The following CNTLN variants were observed in gnomAD, a reference collection of about 807,000 sequenced individuals.
CNTLN encodes centlein, also known as centlein, centrosomal protein.
In CNTLN, 212 loss-of-function variants were observed where a neutral mutation model predicts 180.0. The ratio of observed to expected loss-of-function variants is 1.18; its 90% confidence interval spans 1.05 to 1.32. The LOEUF is 1.32. Among genes scored for constraint, CNTLN ranks in the 40% most tolerant of loss-of-function variants. The pLI, the probability that CNTLN is intolerant of heterozygous loss-of-function variation, is 0.00. For missense variants in CNTLN, 2,095 were observed against 1,610.9 expected, an observed-to-expected ratio of 1.30 and a Z score of -5.14; for synonymous variants, 722 against 563.1, an observed-to-expected ratio of 1.28 and a Z score of -3.99.
intron 6 of CNTLN, among the ~76,000 whole-genome samples, chr9:17,296,941 C>G (rs1304593585): frequency 1.3e-5 from 2 of 152,086 alleles, no homozygotes; most frequent in Admixed American, 1.3e-4. Flanking sequence ...TTCCTTCTTT[C>G]TTTTAAGACA....
chr9:17,494,531 C>T (rs1296068840), intron 25 of CNTLN, among the ~76,000 whole-genome samples: 1 of 152,118 alleles, frequency 6.6e-6, no homozygotes, highest in Non-Finnish European at 1.5e-5. Context: ...CCACCCTCTA[C>T]CGTCAAATAG....
chr9:17,471,062 G>A (rs1832022418), intron 23 of CNTLN, among the ~76,000 whole-genome samples: 1 of 151,974 alleles, frequency 6.6e-6, no homozygotes, highest in East Asian at 1.9e-4. Flanking sequence ...AATGACAGCT[G>A]TGTTTAGAGA....
chr9:17,247,586 C>T (rs1415602918), intron 5 of CNTLN, among the ~76,000 whole-genome samples: 1 of 152,126 alleles, frequency 6.6e-6, no homozygotes, highest in East Asian at 1.9e-4. Flanking sequence ...GATGTTAAAA[C>T]CAGGTACTGT....
intron 2 of CNTLN, among the ~76,000 whole-genome samples, chr9:17,145,307 A>G (rs1818381201): frequency 6.6e-6 from 1 of 152,232 alleles, no homozygotes; most frequent in Non-Finnish European, 1.5e-5. Context: ...TATTTTTGAA[A>G]TTGGAAACGA....
chr9:17,271,434 C>G (rs1184360297), intron 5 of CNTLN, among the ~76,000 whole-genome samples: 1 of 152,066 alleles, frequency 6.6e-6, no homozygotes, highest in Admixed American at 6.6e-5. Context: ...CTTAGTATTA[C>G]AAATGAAGTT....
At chr9:17,359,719 AAAATAC>A (rs1473692548) in intron 12 of CNTLN, among the ~76,000 whole-genome samples, 8,196 of 92,198 alleles carry the variant, frequency 0.089, 1,193 homozygotes, top group Non-Finnish European at 0.14. Flanking sequence ...GTCTATACTA[AAAATAC>A]AAAAAAAAAA....
At chr9:17,327,998 T>C (rs146523018) in intron 8 of CNTLN, among the ~76,000 whole-genome samples, 19 of 152,088 alleles carry the variant, frequency 1.2e-4, no homozygotes, top group African/African-American at 4.3e-4. Context: ...CATTGTAAAA[T>C]CTTTAAGGAA....
chr9:17,393,974 A>T (rs893698839), intron 14 of CNTLN, among the ~76,000 whole-genome samples: 1 of 152,226 alleles, frequency 6.6e-6, no homozygotes, highest in African/African-American at 2.4e-5. Flanking sequence ...TGCAACCTTG[A>T]AATCATTATA....
Position 17,236,559 on chromosome 9 carries a change from G to A in CNTLN, c.820G>A (p.Glu274Lys). ...GAAGCAGGAAGCACATTTGAGAAAA[G>A]AAAAATATAGCACTGATGCAAAAAT... is the stretch of plus-strand genomic sequence containing the variant. ...LRKQEAHLRK[E>K]KYSTDAKIKT... Residue 274 changes from glutamate to lysine, a missense_variant, in exon 5 of 26, where the codon GAA (glutamate) becomes AAA (lysine). Coordinates refer to ENST00000380647, the MANE Select transcript of CNTLN (RefSeq NM_017738.4). The A allele has an allele frequency of 1.2e-6, 2 of 1,612,288 alleles. No individual in the cohort carries two copies. Among genetic ancestry groups the A allele is most frequent in the Non-Finnish European group, 1.7e-6 (2 of 1,179,230 alleles).
chr9:17,309,089 C>G lies in CNTLN; in HGVS notation c.1178C>G (p.Thr393Ser), dbSNP rs943182528. 1.3e-6 allele frequency: 2 copies of G among 1,591,512 alleles called. No homozygotes were observed. The highest frequency in any genetic ancestry group is 1.7e-6 in the Non-Finnish European group (2 of 1,172,820). ...LYNELHICFE[T>S]TKSNEAMLRQ... is the part of the protein sequence containing the mutation. ...AATGAGTTACATATTTGTTTTGAAA[C>G]CACAAAATCAAATGAAGCTATGCTC... Residue 393 changes from threonine (T) to serine (S), a missense_variant, in exon 8 of 26, where the codon ACC (threonine) becomes AGC (serine). By Grantham distance (58) the Thr-to-Ser change is moderately conservative. Coordinates refer to ENST00000380647, the MANE Select transcript of CNTLN (RefSeq NM_017738.4).
At chr9:17,140,442 TG>T (rs1297212812) in intron 1 of CNTLN, among the ~76,000 whole-genome samples, 1 of 149,768 alleles carries the variant, frequency 6.7e-6, no homozygotes, top group African/African-American at 2.4e-5. Context: ...GTAATGGTTA[TG>T]TTTTTTTCTT....
At chr9:17,238,545 CCTTT>C (rs999341298) in intron 5 of CNTLN, among the ~76,000 whole-genome samples, 3 of 152,072 alleles carry the variant, frequency 2.0e-5, no homozygotes, top group Non-Finnish European at 4.4e-5. Flanking sequence ...AACAAACAGG[CCTTT>C]CTAATAAGTT....
chr9:17,464,681 CTT>C (rs1437802833), intron 21 of CNTLN, 58 bp downstream of exon 21: 2 of 1,069,606 alleles, frequency 1.9e-6, no homozygotes, highest in Non-Finnish European at 2.6e-6. Context: ...TAATTACTCT[CTT>C]ACCACAAACA....
intron 13 of CNTLN, among the ~76,000 whole-genome samples, chr9:17,368,808 T>TG (rs1312440833): frequency 6.6e-6 from 1 of 152,222 alleles, no homozygotes; most frequent in Non-Finnish European, 1.5e-5. Flanking sequence ...TGCCCACTAA[T>TG]GCAGATATGG....
intron 1 of CNTLN, among the ~76,000 whole-genome samples, chr9:17,140,242 C>G (rs1228117148): frequency 1.3e-5 from 2 of 152,048 alleles, no homozygotes; most frequent in African/African-American, 4.8e-5. Context: ...TCACAAAATT[C>G]ATATATAACA....
chr9:17,241,939 A>G (rs112519237), intron 5 of CNTLN, among the ~76,000 whole-genome samples: 5 of 152,262 alleles, frequency 3.3e-5, no homozygotes, highest in African/African-American at 9.6e-5. Flanking sequence ...TCATTCTAAT[A>G]GGTTTTTGGT....
intron 2 of CNTLN, among the ~76,000 whole-genome samples, chr9:17,155,052 C>T (rs1014450992): frequency 6.6e-5 from 10 of 152,176 alleles, no homozygotes; most frequent in African/African-American, 1.7e-4. Context: ...GATGCGCCAC[C>T]TTTAAGAGCT....
chr9:17,332,798 G>T lies in CNTLN; in HGVS notation c.1644+68G>T, dbSNP rs919449819. ...AAAAATATACCAAAGTAAACATACA[G>T]TTCATAGATTACTAGTTGTCCTTTT... On this transcript the variant is annotated intron_variant, in intron 10 of 25. Coordinates refer to ENST00000380647, the MANE Select transcript of CNTLN (RefSeq NM_017738.4). 6 of 1,273,504 alleles carry T rather than the reference G, an allele frequency of 4.7e-6. No homozygotes were observed. The Admixed American group carries it at 1.4e-4, about 30-fold the overall frequency. 78.9% of individuals were successfully genotyped at this position (1,273,504 alleles called of 1,614,324 possible). A position where few individuals can be genotyped will look rare whatever the true frequency, so the allele number is the denominator to read the frequency against.
intron 7 of CNTLN, among the ~76,000 whole-genome samples, chr9:17,306,146 ATTTTTT>A (rs572150057): frequency 7.8e-6 from 1 of 128,008 alleles, no homozygotes; most frequent in Non-Finnish European, 1.7e-5. Context: ...TTAGTCGTCT[ATTTTTT>A]TTTTTTTTTT....
Sources: allele counts gnomAD v4.1 joint callset (sites outside exome capture counted in the v4.1 genomes callset), GRCh38; gene constraint gnomAD v4.1.1; transcripts MANE v1.5; gene names NCBI Gene and HGNC (gene_info 2026-07-23, HGNC 2026-07-21).